GDAP1: variants seen among roughly 807,000 people sequenced by gnomAD.
GDAP1 encodes ganglioside-induced differentiation-associated protein 1.
Under a neutral mutation model 40.1 loss-of-function variants are expected in GDAP1, and 34 were observed. That is an observed-to-expected ratio of 0.85 (90% CI 0.64 to 1.13). The LOEUF (loss-of-function observed/expected upper bound fraction) is 1.13. GDAP1 is among the 50% of genes most tolerant of loss of function. The pLI, the probability that GDAP1 is intolerant of heterozygous loss-of-function variation, is 0.00. For missense variants in GDAP1, 374 were observed against 433.7 expected, an observed-to-expected ratio of 0.86 and a Z score of 1.22; for synonymous variants, 170 against 157.4, an observed-to-expected ratio of 1.08 and a Z score of -0.60.
At chr8:74,449,428 C>T (rs999738777) in intron 2 of GDAP1, among the ~76,000 whole-genome samples, 1 of 151,802 alleles carries the variant, frequency 6.6e-6, no homozygotes, top group Non-Finnish European at 1.5e-5. Flanking sequence ...GAAGAACTAT[C>T]TTAACAATAC....
rs564387741 is a variant in GDAP1, at chr8:74,417,280, A to G, written c.165+65959A>G. Among the ~76,000 whole-genome samples, 7 of 150,422 alleles carry G rather than the reference A, an allele frequency of 4.7e-5. No individual in the cohort carries two copies. The South Asian group carries it at 1.4e-3, about 31-fold the overall frequency. On this transcript the variant is annotated intron_variant, in intron 2 of 2. Transcript: ENST00000523640. ...GATAAACAGAATCTATAAAAACTTT[A>G]GAGCCAATATCACAATTGACAGTGA...
At chr8:74,421,056 A>G (rs1006140638) in intron 2 of GDAP1, among the ~76,000 whole-genome samples, 6 of 152,172 alleles carry the variant, frequency 3.9e-5, no homozygotes, top group African/African-American at 1.4e-4. Context: ...AGATAGATAG[A>G]TGATAGATAG....
At chr8:74,412,401 T>C (rs1435496134) in intron 2 of GDAP1, among the ~76,000 whole-genome samples, 1 of 150,034 alleles carries the variant, frequency 6.7e-6, no homozygotes, top group Non-Finnish European at 1.5e-5. Context: ...GAAAAGATAA[T>C]GCCTTGGAAC....
chr8:74,399,335 A>G (rs370103027), intron 2 of GDAP1, among the ~76,000 whole-genome samples: 2 of 149,902 alleles, frequency 1.3e-5, no homozygotes, highest in Non-Finnish European at 2.9e-5. Context: ...GTTTATTTGC[A>G]TAGAGGTGTT....
intron 2 of GDAP1, among the ~76,000 whole-genome samples, chr8:74,386,916 A>G (rs1161271932): frequency 6.6e-6 from 1 of 152,120 alleles, no homozygotes; most frequent in African/African-American, 2.4e-5. Flanking sequence ...TGTAAGTTGT[A>G]TTCCTAGGTA....
Position 74,364,933 on chromosome 8 carries a change from C to A in GDAP1, c.*566C>A, listed in dbSNP as rs768688336. 2.2e-6 allele frequency: 1 copy of A among 454,016 alleles called. No individual in the cohort carries two copies. Among genetic ancestry groups the A allele is most frequent in the African/African-American group, 2.0e-5 (1 of 50,004 alleles). The allele number at this position is 454,016 out of a possible 1,614,324, so 28.1% of individuals were successfully genotyped here. A position where few individuals can be genotyped will look rare whatever the true frequency, so the allele number is the denominator to read the frequency against. On this transcript the variant is annotated 3_prime_UTR_variant, in exon 6 of 6. Coordinates refer to ENST00000220822, the MANE Select transcript of GDAP1 (RefSeq NM_018972.4). Reference sequence around the variant, plus strand: ...ATTGGAACACATCTGCCTAGCATTTCTGTAAAAGTCTTAAGTGATATTAAG... The same window carrying A: ...ATTGGAACACATCTGCCTAGCATTTATGTAAAAGTCTTAAGTGATATTAAG...
chr8:74,445,517 A>C (rs1453895959), intron 2 of GDAP1, among the ~76,000 whole-genome samples: 1 of 152,200 alleles, frequency 6.6e-6, no homozygotes, highest in Non-Finnish European at 1.5e-5. Context: ...ACATTCTAGT[A>C]TTGTGATACC....
intron 2 of GDAP1, among the ~76,000 whole-genome samples, chr8:74,457,700 T>G (rs1806353270): frequency 6.6e-6 from 1 of 152,104 alleles, no homozygotes; most frequent in Non-Finnish European, 1.5e-5. Flanking sequence ...CATAGAGATT[T>G]TTATTTTGTC....
At chr8:74,445,680 TTA>T (rs1435732548) in intron 2 of GDAP1, among the ~76,000 whole-genome samples, 1 of 152,214 alleles carries the variant, frequency 6.6e-6, no homozygotes, top group Non-Finnish European at 1.5e-5. Flanking sequence ...TAGAAAAACT[TTA>T]TCATTCCAGA....
At chr8:74,477,460 A>T (rs1287380778) in intron 2 of GDAP1, among the ~76,000 whole-genome samples, 1 of 148,122 alleles carries the variant, frequency 6.8e-6, no homozygotes, top group Non-Finnish European at 1.5e-5. Context: ...TGTCCTTTGG[A>T]TGGTTTTTTT....
At chr8:74,389,713 T>C (rs976372350) in intron 2 of GDAP1, among the ~76,000 whole-genome samples, 6 of 152,208 alleles carry the variant, frequency 3.9e-5, no homozygotes, top group African/African-American at 1.4e-4. Flanking sequence ...TGAATTTGAA[T>C]GTTGGCCTGC....
intron 2 of GDAP1, among the ~76,000 whole-genome samples, chr8:74,436,158 A>G (rs900859862): frequency 1.4e-4 from 22 of 152,272 alleles, no homozygotes; most frequent in Admixed American, 7.8e-4. Context: ...TGGAAATTGG[A>G]CTTAAGACTC....
chr8:74,407,258 C>A lies in GDAP1; in HGVS notation c.165+55937C>A, dbSNP rs1805652127. On this transcript the variant is annotated intron_variant, in intron 2 of 2. Coordinates refer to the GDAP1 transcript ENST00000523640. Reference sequence around the variant, plus strand: ...ACCAGCCTGGACAATTTAATGAGAACCCTATTGTGATGGTTAATATTAAGC... The same window carrying A: ...ACCAGCCTGGACAATTTAATGAGAAACCTATTGTGATGGTTAATATTAAGC... Among the ~76,000 whole-genome samples the A allele has an allele frequency of 1.3e-5, 2 of 149,602 alleles. 1 individual carries two copies. The highest frequency in any genetic ancestry group is 5.1e-5 in the African/African-American group (2 of 39,006).
intron 2 of GDAP1, among the ~76,000 whole-genome samples, chr8:74,352,673 A>T (rs1808937093): frequency 6.6e-6 from 1 of 152,202 alleles, no homozygotes; most frequent in African/African-American, 2.4e-5. Context: ...GCATTTAATG[A>T]TGTACTTTCT....
At chr8:74,371,244 A>T (rs567579908), downstream of GDAP1, among the ~76,000 whole-genome samples, 15 of 152,376 alleles carry the variant, frequency 9.8e-5, 1 homozygote, top group South Asian at 2.9e-3. Context: ...TGCAGAGTAT[A>T]TTCTGTGGCC....
chr8:74,367,522 G>GA (rs202092787), downstream of GDAP1, among the ~76,000 whole-genome samples: 39 of 145,296 alleles, frequency 2.7e-4, no homozygotes, highest in South Asian at 6.5e-4. Flanking sequence ...AGTCTGCTCA[G>GA]AAAAAAAAAA....
At chr8:74,373,226 A>T (rs1481769436) in intron 2 of GDAP1, among the ~76,000 whole-genome samples, 2 of 152,034 alleles carry the variant, frequency 1.3e-5, no homozygotes, top group Non-Finnish European at 2.9e-5. Context: ...CTTAGGATTG[A>T]CTTGGCAATG....
rs780828430 is a variant in GDAP1 at position 74,351,471 on chromosome 8, TG to T, written c.310+6del. 1,730 of 1,602,702 alleles carry T rather than the reference TG, an allele frequency of 1.1e-3. 1 individual carries two copies. The highest frequency in any genetic ancestry group is 1.2e-3 in the Non-Finnish European group (1,444 of 1,169,540). Reference sequence around the variant, plus strand: ...TTGAACAGACTTTCCTGGATGGTAATGTTAAGGCTACTTGCGATTTCTTGGA... The same window carrying T: ...TTGAACAGACTTTCCTGGATGGTAATTTAAGGCTACTTGCGATTTCTTGGA... On this transcript the variant is annotated splice_donor_region_variant and intron_variant, in intron 2 of 5. Coordinates refer to ENST00000220822, the MANE Select transcript of GDAP1 (RefSeq NM_018972.4).
At chr8:74,398,289 C>T (rs1810246022) in intron 2 of GDAP1, among the ~76,000 whole-genome samples, 1 of 152,036 alleles carries the variant, frequency 6.6e-6, no homozygotes, top group Admixed American at 6.6e-5. Context: ...GATTGCAACC[C>T]CTGCCTTTGT....
Sources: gnomAD v4.1 joint callset for allele counts (sites outside exome capture counted in the v4.1 genomes callset) on GRCh38, gnomAD v4.1.1 for gene constraint, MANE v1.5 for transcripts, NCBI Gene and HGNC (gene_info 2026-07-23, HGNC 2026-07-21) for gene names.